Variants in GRID2 observed in about 807,000 individuals in gnomAD.
GRID2 encodes glutamate receptor ionotropic, delta-2.
GRID2 carries 33 observed loss-of-function variants against 114.8 expected under a neutral mutation model. That is an observed-to-expected ratio of 0.29 (90% confidence interval 0.22 to 0.38). The LOEUF is 0.38. Among genes scored for constraint, GRID2 ranks in the 10% least tolerant of loss-of-function variants. The pLI, the probability that GRID2 is intolerant of heterozygous loss-of-function variation, is 1.00. For missense variants in GRID2, 1,184 were observed against 1,257.7 expected (o/e 0.94, Z 0.89); for synonymous variants, 505 against 449.9 (o/e 1.12, Z -1.55).
chr4:92,398,212 G>A (rs902981117), intron 1 of GRID2, among the ~76,000 whole-genome samples: 8 of 152,136 alleles, frequency 5.3e-5, no homozygotes, highest in East Asian at 1.9e-4. Context: ...TGAAAGTATC[G>A]TCAAGATATA....
intron 4 of GRID2, among the ~76,000 whole-genome samples, chr4:93,141,306 A>G (rs1735748125): frequency 6.6e-6 from 1 of 152,180 alleles, no homozygotes; most frequent in Non-Finnish European, 1.5e-5. Flanking sequence ...GATAAGATTT[A>G]TTTAAACAAA....
In GRID2 at chr4:92,424,027, T is replaced by G. The variant is rs567965849; in HGVS notation, c.88+119283T>G. Among the ~76,000 whole-genome samples the G allele has an allele frequency of 2.6e-5, 4 of 152,238 alleles. No homozygotes were observed. In the South Asian group the frequency reaches 8.3e-4, roughly 32 times the overall value. On this transcript the variant is annotated intron_variant, in intron 1 of 15. Coordinates refer to ENST00000282020, the MANE Select transcript of GRID2 (RefSeq NM_001510.4). ...TTAAACCAATTTCCTTTGAATTGTC[T>G]GAGATGATATTACATAGTATGGCAA...
At chr4:93,306,672 G>A (rs1368609775) in intron 8 of GRID2, among the ~76,000 whole-genome samples, 1 of 152,072 alleles carries the variant, frequency 6.6e-6, no homozygotes, top group Non-Finnish European at 1.5e-5. Context: ...ATTATTTACT[G>A]TTATTAAAAA....
At chr4:92,923,252 T>C (rs1435428051) in intron 2 of GRID2, among the ~76,000 whole-genome samples, 3 of 152,152 alleles carry the variant, frequency 2.0e-5, no homozygotes, top group Non-Finnish European at 4.4e-5. Flanking sequence ...TGTTTGTAAG[T>C]TTTTTATCAT....
At position 92,937,208 on chromosome 4, in the gene GRID2, A is replaced by G. The variant is rs181857687; in HGVS notation, c.245-147787A>G. On this transcript the variant is annotated intron_variant, in intron 2 of 15. Transcript: ENST00000282020. ...AATATTTTAACTTTGCTAGAGTCCA[A>G]TTTATTTTTCTTTCATTGCTCATAC... 1.8e-3 allele frequency among the ~76,000 whole-genome samples: 268 copies of G among 146,410 alleles called. 15 individuals are homozygous for G. Among genetic ancestry groups the G allele is most frequent in the Middle Eastern group, 0.014 (4 of 286 alleles).
At chr4:92,705,433 G>A (rs1359571923) in intron 2 of GRID2, among the ~76,000 whole-genome samples, 3 of 152,174 alleles carry the variant, frequency 2.0e-5, no homozygotes, top group Non-Finnish European at 2.9e-5. Flanking sequence ...GACCTGCACT[G>A]AAGAAACATA....
At chr4:93,745,567 C>T (rs1181209840) in intron 14 of GRID2, among the ~76,000 whole-genome samples, 2 of 151,978 alleles carry the variant, frequency 1.3e-5, no homozygotes, top group Non-Finnish European at 2.9e-5. Context: ...GCAGATACTT[C>T]CATGAGTGAA....
At chr4:93,593,001 C>G (rs978089561) in intron 13 of GRID2, among the ~76,000 whole-genome samples, 1 of 151,652 alleles carries the variant, frequency 6.6e-6, no homozygotes, top group Admixed American at 6.6e-5. Flanking sequence ...TGGGTCTTGA[C>G]TCTTTATCCA....
At chr4:92,351,080 T>C (rs536913594) in intron 1 of GRID2, among the ~76,000 whole-genome samples, 86 of 152,060 alleles carry the variant, frequency 5.7e-4, no homozygotes, top group African/African-American at 1.9e-3. Context: ...CATCAGTTGA[T>C]GAAAATTTGG....
Position 93,057,570 on chromosome 4 carries a change from C to G in GRID2, c.245-27425C>G, listed in dbSNP as rs146632056. The stretch of plus-strand genomic sequence containing the variant: ...AAAAAAGACATAAAGTAAAACATCT[C>G]TACGTATGCGTTATTGATTTTATCA... On this transcript the variant is annotated intron_variant, in intron 2 of 15. Transcript: ENST00000282020. Among the ~76,000 whole-genome samples, 565 of 151,962 alleles carry G rather than the reference C, an allele frequency of 3.7e-3. 1 individual carries two copies. Among genetic ancestry groups the G allele is most frequent in the Non-Finnish European group, 6.4e-3 (437 of 67,894 alleles).
chr4:92,577,586 T>C (rs1460818314), intron 1 of GRID2, among the ~76,000 whole-genome samples: 1 of 152,134 alleles, frequency 6.6e-6, no homozygotes, highest in Non-Finnish European at 1.5e-5. Context: ...GAGTAACTGT[T>C]TGGCATTGTT....
chr4:92,608,398 C>T (rs754737356), intron 2 of GRID2, among the ~76,000 whole-genome samples: 1 of 151,692 alleles, frequency 6.6e-6, no homozygotes, highest in East Asian at 1.9e-4. Flanking sequence ...TCAAAGATGC[C>T]GCTTCAAAGG....
chr4:92,522,556 G>A (rs1724841003), intron 1 of GRID2, among the ~76,000 whole-genome samples: 1 of 151,978 alleles, frequency 6.6e-6, no homozygotes, highest in Admixed American at 6.6e-5. Flanking sequence ...TCCTAATGAA[G>A]CTATTGACTT....
At chr4:93,015,392 C>G (rs1319870898) in intron 2 of GRID2, among the ~76,000 whole-genome samples, 1 of 152,136 alleles carries the variant, frequency 6.6e-6, no homozygotes. Context: ...TGTGTGGGCA[C>G]AAGTCTTGGT....
At chr4:93,317,884 C>T (rs1033907770) in intron 8 of GRID2, among the ~76,000 whole-genome samples, 1 of 150,184 alleles carries the variant, frequency 6.7e-6, no homozygotes, top group Non-Finnish European at 1.5e-5. Context: ...AATTTTCTCT[C>T]ACTAAATAAA....
intron 14 of GRID2, among the ~76,000 whole-genome samples, chr4:93,633,638 T>C (rs186225937): frequency 6.6e-6 from 1 of 152,268 alleles, no homozygotes; most frequent in Non-Finnish European, 1.5e-5. Flanking sequence ...TTCCTTCTTA[T>C]CATAATTATT....
chr4:93,377,593 G>C (rs942274238), intron 8 of GRID2, among the ~76,000 whole-genome samples: 1 of 152,124 alleles, frequency 6.6e-6, no homozygotes, highest in Non-Finnish European at 1.5e-5. Context: ...AGCTCAATAA[G>C]TTTAGACTTC....
At chr4:92,863,814 T>C (rs556869584) in intron 2 of GRID2, among the ~76,000 whole-genome samples, 51 of 152,244 alleles carry the variant, frequency 3.3e-4, no homozygotes, top group African/African-American at 1.1e-3. Context: ...TCAGTGTAGT[T>C]ATGGTGCCCT....
intron 1 of GRID2, among the ~76,000 whole-genome samples, chr4:92,334,211 T>C (rs1210589773): frequency 6.6e-6 from 1 of 152,230 alleles, no homozygotes; most frequent in East Asian, 1.9e-4. Flanking sequence ...GCCATCCATA[T>C]TTCCACCAAC....
Sources: gnomAD v4.1 joint callset for allele counts (sites outside exome capture counted in the v4.1 genomes callset) on GRCh38, gnomAD v4.1.1 for gene constraint, MANE v1.5 for transcripts, NCBI Gene and HGNC (gene_info 2026-07-23, HGNC 2026-07-21) for gene names.